Variants in ENPP3 observed in about 807,000 individuals in gnomAD.
ENPP3 encodes the protein ectonucleotide pyrophosphatase/phosphodiesterase 3.
In ENPP3, 104 loss-of-function variants were observed where a neutral mutation model predicts 117.8. The observed-to-expected ratio is 0.88, with a 90% confidence interval of 0.75 to 1.04. The LOEUF is 1.04. Among genes scored for constraint, ENPP3 ranks in the 50% least tolerant of loss-of-function variants. The pLI is 0.00. For synonymous variants in ENPP3, 380 were observed against 349.9 expected (o/e 1.09, Z -0.96); for missense variants, 1,026 against 1,051.9 (o/e 0.98, Z 0.34).
At chr6:131,736,770 C>T (rs2114568647) in intron 21 of ENPP3, among the ~76,000 whole-genome samples, 1 of 152,154 alleles carries the variant, frequency 6.6e-6, no homozygotes, top group South Asian at 2.1e-4. Context: ...GAACAAATTA[C>T]CAAAAAAGGT....
At chr6:131,671,442 G>A in intron 7 of ENPP3, 115 bp downstream of exon 7, 1 of 694,056 alleles carries the variant, frequency 1.4e-6, no homozygotes, top group Non-Finnish European at 2.6e-6. Context: ...AAGCACATGG[G>A]GGGATAGTTC....
At chr6:131,724,752 C>T (rs751131077) in intron 19 of ENPP3, among the ~76,000 whole-genome samples, 1 of 152,076 alleles carries the variant, frequency 6.6e-6, no homozygotes, top group Non-Finnish European at 1.5e-5. Context: ...AAGTGTTATT[C>T]CATGGCATGA....
At chr6:131,692,996 TAC>T (rs1779318933) in intron 14 of ENPP3, among the ~76,000 whole-genome samples, 1 of 144,026 alleles carries the variant, frequency 6.9e-6, no homozygotes, top group Non-Finnish European at 1.5e-5. Context: ...CTATATATGA[TAC>T]AGTTATATAT....
rs1780640142 is a variant in ENPP3, at chr6:131,746,588, G to A, written c.2458-198G>A. On this transcript the variant is annotated intron_variant, in intron 24 of 24. Coordinates refer to ENST00000357639, the MANE Select transcript of ENPP3 (RefSeq NM_005021.5). ...ATAAAAATAGATAAATTTTGACAAC[G>A]GTGTTCTATGTTAGTTATAGTATAC... Among the ~76,000 whole-genome samples the A allele has an allele frequency of 2.0e-5, 3 of 151,840 alleles. No homozygotes were observed. In the South Asian group the frequency reaches 6.2e-4, roughly 32 times the overall value.
Position 131,718,665 on chromosome 6 carries a change from T to C in ENPP3, c.1413-7T>C. 1 of 1,518,418 alleles carries C rather than the reference T, an allele frequency of 6.6e-7. No homozygotes were observed. The highest frequency in any genetic ancestry group is 2.3e-5 in the East Asian group (1 of 44,242). 94.1% of individuals were successfully genotyped at this position (1,518,418 alleles called of 1,614,324 possible). A position where few individuals can be genotyped will look rare whatever the true frequency, so the allele number is the denominator to read the frequency against. On this transcript the variant is annotated splice_region_variant and splice_polypyrimidine_tract_variant and intron_variant, in intron 15 of 24. Coordinates refer to ENST00000357639, the MANE Select transcript of ENPP3 (RefSeq NM_005021.5). ...GATCAGTGTGTAATAATATTTTTTC[T>C]TTATAGGAGTAAATCAAATACAAAT...
intron 3 of ENPP3, among the ~76,000 whole-genome samples, chr6:131,651,330 C>T (rs1488921691): frequency 6.6e-6 from 1 of 152,174 alleles, no homozygotes; most frequent in Non-Finnish European, 1.5e-5. Context: ...GACCTATACA[C>T]AGTCTTATTA....
In ENPP3 at chr6:131,675,075, TAC is replaced by T. The variant is rs1224819790; in HGVS notation, c.763-3_763-2del. 2 of 1,599,330 alleles carry T rather than the reference TAC, an allele frequency of 1.3e-6. No homozygotes were observed. Among genetic ancestry groups the T allele is most frequent in the African/African-American group, 2.7e-5 (2 of 74,624 alleles). On this transcript the variant is annotated splice_polypyrimidine_tract_variant and splice_region_variant and intron_variant, in intron 8 of 24. Transcript: ENST00000357639. ...GACTTTCGCTTATCCTAAATTTTCT[TAC>T]AGATGTGGCTGACAGCAATGTATCA...
chr6:131,656,505 C>A (rs112035159), intron 5 of ENPP3, among the ~76,000 whole-genome samples: 1 of 152,086 alleles, frequency 6.6e-6, no homozygotes, highest in East Asian at 1.9e-4. Context: ...TGGTGGCTCA[C>A]GCCTGTAATC....
chr6:131,643,721 G>T (rs994790031), intron 2 of ENPP3, among the ~76,000 whole-genome samples: 1 of 152,036 alleles, frequency 6.6e-6, no homozygotes, highest in African/African-American at 2.4e-5. Context: ...ATGACTACAC[G>T]TATTTTTTGA....
intron 1 of ENPP3, among the ~76,000 whole-genome samples, chr6:131,639,266 T>TATATATATA (rs1454993724): frequency 3.5e-4 from 21 of 60,502 alleles, no homozygotes; most frequent in African/African-American, 2.1e-3. Flanking sequence ...TATATATATA[T>TATATATATA]TTTTTTTTTT....
At chr6:131,688,896 CA>C (rs34743742) in intron 14 of ENPP3, among the ~76,000 whole-genome samples, 5,138 of 88,266 alleles carry the variant, frequency 0.058, 189 homozygotes, top group African/African-American at 0.13. Context: ...ACTAAAAATC[CA>C]AAAAAAAAAA....
chr6:131,724,039 G>A lies in ENPP3; in HGVS notation c.1747-1G>A. Reference sequence around the variant, plus strand: ...CTTTCCCATCCCTCATTATCTTGCAGAGTACTCAGCTGGAACAAGTGAATC... The same window carrying A: ...CTTTCCCATCCCTCATTATCTTGCAAAGTACTCAGCTGGAACAAGTGAATC... On this transcript the variant is annotated splice_acceptor_variant, in intron 18 of 24. Transcript: ENST00000357639. LOFTEE classifies it high-confidence loss of function. 6.2e-7 allele frequency: 1 copy of A among 1,609,604 alleles called. No individual in the cohort carries two copies. Among genetic ancestry groups the A allele is most frequent in the Middle Eastern group, 1.7e-4 (1 of 6,056 alleles).
chr6:131,722,459 A>T lies in ENPP3; in HGVS notation c.1746+54A>T, dbSNP rs1188664084. The stretch of plus-strand genomic sequence containing the variant: ...AACGTAAAGGGGCAAGCTATTCTTA[A>T]CCTGGGTAGCTGACAACTGGGGTAG... On this transcript the variant is annotated intron_variant, in intron 18 of 24. Coordinates refer to ENST00000357639, the MANE Select transcript of ENPP3 (RefSeq NM_005021.5). 5.4e-6 allele frequency: 8 copies of T among 1,477,638 alleles called. No individual in the cohort carries two copies. In the Admixed American group the frequency reaches 1.4e-4, roughly 27 times the overall value. 91.5% of individuals were successfully genotyped at this position (1,477,638 alleles called of 1,614,324 possible).
rs1365971370 is a variant in ENPP3 at position 131,718,701 on chromosome 6, G to T, written c.1442G>T (p.Gly481Val). The change falls in exon 16 of 25, where the codon GGC (glycine) becomes GTC (valine). Residue 481 changes from glycine (G) to valine (V), a missense_variant. Transcript: ENST00000357639. ...AAATCAAATACAAATTGTGGAGGAGGCAACCATGGTTATAACAATGAGTTT... is the reference window on the plus strand; with the variant it reads ...AAATCAAATACAAATTGTGGAGGAGTCAACCATGGTTATAACAATGAGTTT... The part of the protein sequence containing the change: ...RSKSNTNCGG[G>V]NHGYNNEFRS... 6.2e-7 allele frequency: 1 copy of T among 1,604,370 alleles called. No homozygotes were observed. Among genetic ancestry groups the T allele is most frequent in the African/African-American group, 1.3e-5 (1 of 74,500 alleles).
intron 2 of ENPP3, among the ~76,000 whole-genome samples, chr6:131,646,878 C>T (rs1228806753): frequency 6.7e-6 from 1 of 149,750 alleles, no homozygotes; most frequent in East Asian, 2.0e-4. Context: ...TTAGAGTATT[C>T]ATATACTTTT....
At chr6:131,710,128 A>G in intron 15 of ENPP3, 1 of 1,613,982 alleles carries the variant, frequency 6.2e-7, no homozygotes, top group Non-Finnish European at 8.5e-7. Flanking sequence ...TTGACTGTTC[A>G]CTTTTAATTC....
rs397941468 is a variant in ENPP3 at position 131,724,226 on chromosome 6, T to TAAAAAAAAAA, written c.1798+139_1798+148dup. 111 of 423,846 alleles carry TAAAAAAAAAA rather than the reference T, an allele frequency of 2.6e-4. 1 individual carries two copies. Among genetic ancestry groups the TAAAAAAAAAA allele is most frequent in the Middle Eastern group, 1.0e-3 (2 of 1,946 alleles). The allele number at this position is 423,846 out of a possible 1,614,324, so 26.3% of individuals were successfully genotyped here. ...GATTTTATTGCCAATATACAAAAGG[T>TAAAAAAAAAA]AAAAAAAAAAAAACTCACAACAGAT... On this transcript the variant is annotated intron_variant, in intron 19 of 24. Transcript: ENST00000357639.
intron 5 of ENPP3, among the ~76,000 whole-genome samples, 189 bp from the exon 6 acceptor site, chr6:131,658,122 CCAGCTTGGGTGA>C (rs1230331363): frequency 6.7e-6 from 1 of 149,942 alleles, no homozygotes; most frequent in African/African-American, 2.5e-5. Context: ...CCACTGCAGT[CCAGCTTGGGTGA>C]CAGAGTAAAA....
intron 3 of ENPP3, 41 bp from the exon 4 acceptor site, chr6:131,652,501 G>A (rs1778284101): frequency 6.3e-7 from 1 of 1,599,972 alleles, no homozygotes; most frequent in South Asian, 1.1e-5. Flanking sequence ...ATTTTATACT[G>A]CAGGCTTAAA....
Sources: allele counts gnomAD v4.1 joint callset (sites outside exome capture counted in the v4.1 genomes callset), GRCh38; gene constraint gnomAD v4.1.1; transcripts MANE v1.5; gene names NCBI Gene and HGNC (gene_info 2026-07-23, HGNC 2026-07-21).